The following MEGF10 variants were observed in gnomAD, a reference collection of about 807,000 sequenced individuals.
MEGF10 encodes the protein multiple EGF like domains 10.
Under a neutral mutation model 147.5 loss-of-function variants are expected in MEGF10, and 86 were observed. That is an observed-to-expected ratio of 0.58 (90% CI 0.49 to 0.70). The LOEUF is 0.70. MEGF10 is among the 30% of genes least tolerant of loss of function. The pLI is 0.00. For missense variants in MEGF10, 1,329 were observed against 1,487.3 expected (o/e 0.89, Z 1.75); for synonymous variants, 478 against 525.5 (o/e 0.91, Z 1.24).
chr5:127,436,964 A>G (rs1374174361), intron 16 of MEGF10, among the ~76,000 whole-genome samples: 3 of 152,224 alleles, frequency 2.0e-5, no homozygotes, highest in African/African-American at 7.2e-5. Context: ...ATGATTTTTT[A>G]AAGCACTATC....
At chr5:127,406,634 T>C (rs1417601842) in intron 8 of MEGF10, among the ~76,000 whole-genome samples, 2 of 152,144 alleles carry the variant, frequency 1.3e-5, no homozygotes, top group Non-Finnish European at 2.9e-5. Flanking sequence ...ATTCCCAGGA[T>C]GTGGGGACAG....
intron 22 of MEGF10, among the ~76,000 whole-genome samples, chr5:127,450,354 A>G (rs1766106560): frequency 6.6e-6 from 1 of 152,194 alleles, no homozygotes; most frequent in Admixed American, 6.5e-5. Flanking sequence ...ACCTCTTAAA[A>G]TATATATGTG....
At chr5:127,259,154 C>A in the MEGF10 span, among the ~76,000 whole-genome samples, 2 of 152,114 alleles carry the variant, frequency 1.3e-5, no homozygotes, top group African/African-American at 2.4e-5. Flanking sequence ...CTGATTGTGA[C>A]CCTCCATGAT....
chr5:127,314,543 G>T (rs149154277), intron 1 of MEGF10, among the ~76,000 whole-genome samples: 1 of 152,160 alleles, frequency 6.6e-6, no homozygotes, highest in African/African-American at 2.4e-5. Context: ...TTTTACTTAT[G>T]TCCTGAACAC....
chr5:127,293,279 G>A (rs1759345059), intron 1 of MEGF10, among the ~76,000 whole-genome samples: 1 of 152,140 alleles, frequency 6.6e-6, no homozygotes, highest in Admixed American at 6.5e-5. Context: ...ATTCATCAAA[G>A]TGAGTAACAA....
At chr5:127,251,156 GA>G in the MEGF10 span, among the ~76,000 whole-genome samples, 1 of 151,936 alleles carries the variant, frequency 6.6e-6, no homozygotes, top group Non-Finnish European at 1.5e-5. Flanking sequence ...ACTCCTAGAA[GA>G]AAAAATGAGG....
intron 4 of MEGF10, among the ~76,000 whole-genome samples, chr5:127,361,954 A>C (rs1274976595): frequency 2.0e-5 from 3 of 152,094 alleles, no homozygotes; most frequent in Non-Finnish European, 4.4e-5. Flanking sequence ...ATATAACTTG[A>C]TTATTGTTCT....
intron 13 of MEGF10, among the ~76,000 whole-genome samples, chr5:127,430,114 C>G (rs532300595): frequency 6.6e-6 from 1 of 152,282 alleles, no homozygotes; most frequent in Non-Finnish European, 1.5e-5. Context: ...CAAGCTACCT[C>G]CCTTCCTGAT....
intron 1 of MEGF10, among the ~76,000 whole-genome samples, chr5:127,298,454 G>T (rs567950928): frequency 6.6e-6 from 1 of 152,296 alleles, no homozygotes; most frequent in East Asian, 1.9e-4. Flanking sequence ...CATGAGTGAG[G>T]TTAGAAATGC....
chr5:127,412,930 A>G (rs1471042291), intron 9 of MEGF10, among the ~76,000 whole-genome samples: 1 of 152,184 alleles, frequency 6.6e-6, no homozygotes. Context: ...AGTATCTAGC[A>G]GGCTAGCCTG....
intron 2 of MEGF10, among the ~76,000 whole-genome samples, chr5:127,337,015 A>T (rs562564095): frequency 6.6e-6 from 1 of 152,246 alleles, no homozygotes; most frequent in South Asian, 2.1e-4. Flanking sequence ...AACTTTAAAC[A>T]ATGAGAGTCA....
At chr5:127,326,640 C>T (rs1761047543) in intron 1 of MEGF10, among the ~76,000 whole-genome samples, 1 of 152,124 alleles carries the variant, frequency 6.6e-6, no homozygotes, top group African/African-American at 2.4e-5. Context: ...CTCTGCCGGC[C>T]TTTCTGAGTA....
the MEGF10 span, among the ~76,000 whole-genome samples, chr5:127,240,770 A>T: frequency 2.0e-5 from 3 of 152,224 alleles, no homozygotes; most frequent in African/African-American, 7.2e-5. Flanking sequence ...GAATCAACTC[A>T]CAGGAGGATG....
chr5:127,434,243 A>G (rs1359482913), intron 14 of MEGF10, among the ~76,000 whole-genome samples: 1 of 152,194 alleles, frequency 6.6e-6, no homozygotes, highest in Non-Finnish European at 1.5e-5. Context: ...AGGAGGAAAA[A>G]TCTTCAAATT....
chr5:127,244,562 T>A, the MEGF10 span, among the ~76,000 whole-genome samples: 1 of 152,110 alleles, frequency 6.6e-6, no homozygotes, highest in African/African-American at 2.4e-5. Flanking sequence ...CATATTCAGG[T>A]GGTTCACCAT....
intron 12 of MEGF10, 54 bp from the exon 13 acceptor site, chr5:127,422,616 G>A (rs1027353513): frequency 1.4e-6 from 2 of 1,419,480 alleles, no homozygotes; most frequent in African/African-American, 2.8e-5. Context: ...TTCCTCTTCT[G>A]TTGTGGGATT....
chr5:127,450,785 G>A (rs1279570915), intron 22 of MEGF10, among the ~76,000 whole-genome samples: 1 of 152,044 alleles, frequency 6.6e-6, no homozygotes, highest in African/African-American at 2.4e-5. Flanking sequence ...TTGAGACAGA[G>A]TCTCGCTCTG....
the MEGF10 span, among the ~76,000 whole-genome samples, chr5:127,263,948 T>C: frequency 6.6e-6 from 1 of 152,064 alleles, no homozygotes; most frequent in Non-Finnish European, 1.5e-5. Flanking sequence ...TTAAAAGAAA[T>C]AGACTGTGGG....
Position 127,438,580 on chromosome 5 carries a change from C to T in MEGF10, c.2233+13C>T, listed in dbSNP as rs760471730. On this transcript the variant is annotated intron_variant, in intron 17 of 24. Transcript: ENST00000503335. ...TACTGCACTCAGAGTAAGTGACAAG[C>T]CTTCTGAGGCTCACCAAGGGGAGCC... 6.2e-7 allele frequency: 1 copy of T among 1,612,798 alleles called. No individual in the cohort carries two copies.
Sources: gnomAD v4.1 joint callset for allele counts (sites outside exome capture counted in the v4.1 genomes callset) on GRCh38, gnomAD v4.1.1 for gene constraint, MANE v1.5 for transcripts, NCBI Gene and HGNC (gene_info 2026-07-23, HGNC 2026-07-21) for gene names.